The following KRT77 variants were observed in gnomAD, a reference collection of about 807,000 sequenced individuals.
KRT77 encodes the protein keratin, type II cytoskeletal 1b.
A neutral mutation model predicts 51.5 loss-of-function variants in KRT77; 44 were observed. The observed-to-expected ratio is 0.85, with a 90% CI of 0.67 to 1.10. The LOEUF is 1.10. KRT77 is among the 50% of genes least tolerant of loss of function. The pLI, the probability that KRT77 is intolerant of heterozygous loss-of-function variation, is 0.00. For synonymous variants in KRT77, 293 were observed against 302.0 expected, an observed-to-expected ratio of 0.97 and a Z score of 0.31; for missense variants, 763 against 743.9, an observed-to-expected ratio of 1.03 and a Z score of -0.30.
Position 52,702,140 on chromosome 12 carries a change from A to G in KRT77, c.543+752T>C, listed in dbSNP as rs78067317. Among the ~76,000 whole-genome samples the G allele has an allele frequency of 2.9e-3, 447 of 152,318 alleles. 1 individual carries two copies. Among genetic ancestry groups the G allele is most frequent in the African/African-American group, 0.01 (422 of 41,572 alleles). On this transcript the variant is annotated intron_variant, in intron 1 of 8. Transcript: ENST00000341809. ...CATCCGCCTTCCAGACTCAGCAAGC[A>G]GAGCTCATGACACCCTCCTTTGAGC...
Position 52,695,873 on chromosome 12 carries a change from T to G in KRT77, c.820-6A>C, listed in dbSNP as rs774358677. The G allele has an allele frequency of 2.5e-6, 4 of 1,588,906 alleles. No individual in the cohort carries two copies. The East Asian group carries it at 8.9e-5, about 36-fold the overall frequency. ...ACATAAGCAGCATCCACATCCTGAA[T>G]AGCAGGCAGAAACAGTTTGACTTTA... is the stretch of plus-strand genomic sequence containing the variant. On this transcript the variant is annotated splice_region_variant and splice_polypyrimidine_tract_variant and intron_variant, in intron 3 of 8. Transcript: ENST00000341809.
chr12:52,696,486 A>C, intron 2 of KRT77, 56 bp from the exon 3 acceptor site: 2 of 1,427,518 alleles, frequency 1.4e-6, no homozygotes, highest in Non-Finnish European at 2.0e-6. Context: ...TGGCTCCCTG[A>C]GGTCCCTCCT....
At chr12:52,701,665 C>T (rs1019331513) in intron 1 of KRT77, among the ~76,000 whole-genome samples, 3 of 152,218 alleles carry the variant, frequency 2.0e-5, no homozygotes, top group African/African-American at 4.8e-5. Context: ...AAAGGAGATG[C>T]TGGAGGGAGG....
At position 52,701,094 on chromosome 12, in the gene KRT77, G is replaced by T. The variant is rs1274404133; in HGVS notation, c.543+1798C>A. Reference sequence around the variant, plus strand: ...GCCCACTGCCCTATGCCATGCAACTGGACAGACCCTGTTCATGGCAGGGGC... The same window carrying T: ...GCCCACTGCCCTATGCCATGCAACTTGACAGACCCTGTTCATGGCAGGGGC... On this transcript the variant is annotated intron_variant, in intron 1 of 8. Coordinates refer to ENST00000341809, the MANE Select transcript of KRT77 (RefSeq NM_175078.3). 2.6e-5 allele frequency among the ~76,000 whole-genome samples: 4 copies of T among 152,326 alleles called. No homozygotes were observed. The South Asian group carries it at 8.3e-4, about 32-fold the overall frequency.
intron 1 of KRT77, among the ~76,000 whole-genome samples, chr12:52,698,806 ATG>A: frequency 6.6e-6 from 1 of 152,238 alleles, no homozygotes; most frequent in African/African-American, 2.4e-5. Flanking sequence ...GCTCGGCCGC[ATG>A]CAGGCGCACA....
intron 1 of KRT77, among the ~76,000 whole-genome samples, chr12:52,699,313 G>A (rs1393174918): frequency 6.6e-6 from 1 of 152,190 alleles, no homozygotes; most frequent in African/African-American, 2.4e-5. Flanking sequence ...CAATGAGGGA[G>A]CAGTGACACA....
At chr12:52,694,999 C>T (rs1226181026) in intron 4 of KRT77, 7 of 353,846 alleles carry the variant, frequency 2.0e-5, no homozygotes, top group East Asian at 1.9e-4. Context: ...AAACCTGGAG[C>T]GTTCAGATAC....
chr12:52,692,974 TC>T, intron 5 of KRT77, 94 bp from the exon 6 acceptor site: 1 of 1,419,546 alleles, frequency 7.0e-7, no homozygotes, highest in Non-Finnish European at 9.7e-7. Flanking sequence ...CCTGGGAGAT[TC>T]CCACCCACCT....
chr12:52,702,850 T>G (rs1941904418), intron 1 of KRT77, 42 bp downstream of exon 1: 1 of 1,595,866 alleles, frequency 6.3e-7, no homozygotes. Context: ...CTCAGTCATT[T>G]GGTCAGTGAC....
rs1190180846 is a variant in KRT77 at position 52,691,918 on chromosome 12, C to T, written c.1462+20G>A. On this transcript the variant is annotated intron_variant, in intron 8 of 8. Coordinates refer to ENST00000341809, the MANE Select transcript of KRT77 (RefSeq NM_175078.3). ...CCCAGCACCACCAGCCTCTCTCTGC[C>T]CCTGGGCTCTGCTACTTACAGATGC... is the stretch of plus-strand genomic sequence containing the variant. 5 of 1,613,848 alleles carry T rather than the reference C, an allele frequency of 3.1e-6. No homozygotes were observed. In the East Asian group the frequency reaches 6.7e-5, roughly 22 times the overall value.
rs767746272 is a variant in KRT77, at chr12:52,690,822, C to T, written c.*343G>A. 41 of 437,108 alleles carry T rather than the reference C, an allele frequency of 9.4e-5. No homozygotes were observed. The highest frequency in any genetic ancestry group is 1.3e-4 in the Non-Finnish European group (31 of 241,846). The allele number at this position is 437,108 out of a possible 1,614,324, so 27.1% of individuals were successfully genotyped here. ...ATAACAATGACTTCTCCCTACCTTG[C>T]CAACTCACGCAGCCTCTGCCTCTAA... On this transcript the variant is annotated 3_prime_UTR_variant, in exon 9 of 9. Coordinates refer to ENST00000341809, the MANE Select transcript of KRT77 (RefSeq NM_175078.3).
chr12:52,694,495 C>T, intron 5 of KRT77, 131 bp downstream of exon 5: 1 of 814,500 alleles, frequency 1.2e-6, no homozygotes, highest in Non-Finnish European at 1.8e-6. Context: ...GTAATCTTTA[C>T]ATGTAATTTC....
rs770383634 is a variant in KRT77, at chr12:52,697,881, G to T, written c.559C>A (p.Gln187Lys). 23 of 1,613,748 alleles carry T rather than the reference G, an allele frequency of 1.4e-5. No individual in the cohort carries two copies. The highest frequency in any genetic ancestry group is 3.3e-5 in the Admixed American group (2 of 59,998). The change falls in exon 2 of 9, where the codon CAG (glutamine) becomes AAG (lysine). Residue 187 changes from glutamine to lysine, a missense_variant. By Grantham distance (53) the Gln-to-Lys change is moderately conservative. Transcript: ENST00000341809. Reference protein sequence around the residue: ...SFIDKVRFLEQQNQVLQTKWE... With the variant: ...SFIDKVRFLEKQNQVLQTKWE... The stretch of plus-strand genomic sequence containing the variant: ...TTTGTTTGTAGCACCTGGTTCTGCT[G>T]CTCCAGGAATCGCACCTAAGAGCAA...
At chr12:52,695,986 T>A in intron 3 of KRT77, 119 bp from the exon 4 acceptor site, 1 of 695,706 alleles carries the variant, frequency 1.4e-6, no homozygotes, top group Non-Finnish European at 2.6e-6. Context: ...CTTAAAAAAT[T>A]CATCACCGCA....
chr12:52,691,532 G>A, intron 8 of KRT77, 93 bp from the exon 9 acceptor site: 2 of 1,399,220 alleles, frequency 1.4e-6, no homozygotes, highest in Non-Finnish European at 1.9e-6. Context: ...CTCCATCCTC[G>A]ATCACCCGTG....
At chr12:52,694,855 C>A in intron 4 of KRT77, 65 bp from the exon 5 acceptor site, 1 of 1,414,464 alleles carries the variant, frequency 7.1e-7, no homozygotes, top group Non-Finnish European at 9.5e-7. Flanking sequence ...TTTTCCTCTG[C>A]TGCTCCCTCA....
chr12:52,701,957 T>C (rs1386166088), intron 1 of KRT77, among the ~76,000 whole-genome samples: 1 of 152,168 alleles, frequency 6.6e-6, no homozygotes, highest in Non-Finnish European at 1.5e-5. Context: ...GGTATCCCAT[T>C]TTCTCCAGGA....
Position 52,703,386 on chromosome 12 carries a change from G to C in KRT77, c.49C>G (p.Arg17Gly). The C allele has an allele frequency of 6.2e-7, 1 of 1,610,902 alleles. No homozygotes were observed. The highest frequency in any genetic ancestry group is 2.2e-5 in the East Asian group (1 of 44,814). ...SQSAFSSMSR[R>G]VYSTSSSAGS... ...GCAGAAGAGCTGGTACTATAAACCC[G>C]CCTGCTCATTGAACTAAACGCGGAC... is the stretch of plus-strand genomic sequence containing the variant. Residue 17 changes from arginine to glycine, a missense_variant, in exon 1 of 9, where the codon CGG (arginine) becomes GGG (glycine). Physicochemically the swap from Arg to Gly is moderately radical, Grantham distance 125. Transcript: ENST00000341809.
At chr12:52,700,339 A>T (rs1253173336) in intron 1 of KRT77, among the ~76,000 whole-genome samples, 1 of 152,234 alleles carries the variant, frequency 6.6e-6, no homozygotes, top group East Asian at 1.9e-4. Flanking sequence ...AGTGCCTCAG[A>T]TGGCTGCAGG....
Sources: allele counts gnomAD v4.1 joint callset (sites outside exome capture counted in the v4.1 genomes callset), GRCh38; gene constraint gnomAD v4.1.1; transcripts MANE v1.5; gene names NCBI Gene and HGNC (gene_info 2026-07-23, HGNC 2026-07-21).